Variants in CRYBG1 observed in about 807,000 individuals in gnomAD.
CRYBG1 encodes beta/gamma crystallin domain-containing protein 1.
A neutral mutation model predicts 189.2 loss-of-function variants in CRYBG1; 139 were observed. That is an observed-to-expected ratio of 0.73 (90% CI 0.64 to 0.85). The LOEUF is 0.85. CRYBG1 is among the 40% of genes least tolerant of loss of function. The pLI is 0.00. For synonymous variants in CRYBG1, 1,023 were observed against 1,017.1 expected, an observed-to-expected ratio of 1.01 and a Z score of -0.11; for missense variants, 2,611 against 2,675.8, an observed-to-expected ratio of 0.98 and a Z score of 0.53.
chr6:106,505,425 C>T (rs1328725195), intron 2 of CRYBG1, among the ~76,000 whole-genome samples: 1 of 152,096 alleles, frequency 6.6e-6, no homozygotes, highest in Non-Finnish European at 1.5e-5. Context: ...GGACAAGTTT[C>T]ACCATCTTGG....
intron 2 of CRYBG1, among the ~76,000 whole-genome samples, chr6:106,469,114 T>G (rs1001887171): frequency 1.3e-5 from 2 of 152,164 alleles, no homozygotes; most frequent in African/African-American, 4.8e-5. Context: ...TCACTCTGCC[T>G]CAGCCACATG....
chr6:106,514,977 C>G (rs1166539144), intron 3 of CRYBG1, among the ~76,000 whole-genome samples: 2 of 152,100 alleles, frequency 1.3e-5, no homozygotes, highest in Non-Finnish European at 2.9e-5. Flanking sequence ...TTTTTCAGAC[C>G]CTTTAATTCT....
chr6:106,363,537 C>G (rs1242879756), intron 1 of CRYBG1, among the ~76,000 whole-genome samples: 1 of 152,152 alleles, frequency 6.6e-6, no homozygotes, highest in Non-Finnish European at 1.5e-5. Context: ...CAGTGTGGCT[C>G]TCTTAAGCCT....
chr6:106,423,987 G>A (rs879326138), intron 1 of CRYBG1, among the ~76,000 whole-genome samples: 2 of 152,046 alleles, frequency 1.3e-5, no homozygotes, highest in African/African-American at 4.8e-5. Flanking sequence ...TTACAGGTGT[G>A]AGCCACTGCG....
intron 2 of CRYBG1, among the ~76,000 whole-genome samples, chr6:106,497,423 C>G (rs897928840): frequency 6.6e-6 from 1 of 152,174 alleles, no homozygotes; most frequent in Non-Finnish European, 1.5e-5. Flanking sequence ...GGCTCATACT[C>G]CTTGGTCTCC....
chr6:106,452,142 C>T (rs985402937), intron 2 of CRYBG1, among the ~76,000 whole-genome samples: 1 of 148,020 alleles, frequency 6.8e-6, no homozygotes, highest in Non-Finnish European at 1.5e-5. Flanking sequence ...CCTGGTGGCT[C>T]ACGCCTGTAA....
chr6:106,362,543 T>G (rs1771900445), intron 1 of CRYBG1, among the ~76,000 whole-genome samples: 1 of 152,180 alleles, frequency 6.6e-6, no homozygotes. Flanking sequence ...AGGCAGGGGC[T>G]GCACTGTGCA....
rs772477743 is a variant in CRYBG1, at chr6:106,520,917, C to G, written c.3709C>G (p.Leu1237Val). 3.7e-6 allele frequency: 6 copies of G among 1,614,058 alleles called. No homozygotes were observed. The African/African-American group carries it at 8.0e-5, about 22-fold the overall frequency. The change falls in exon 4 of 22, where the codon CTA (leucine) becomes GTA (valine). Residue 1237 changes from leucine to valine, a missense_variant. Leu to Val is a conservative substitution (Grantham distance 32, BLOSUM62 1). This residue lies in a region of CRYBG1 where 1,622 missense variants were observed against 1,735.0 expected (regional missense o/e 0.93). Transcript: ENST00000633556. ...VTNGGIKRSR[L>V]EKSALFSSLL... ...AAATGGTGGCATTAAGAGATCGAGACTAGAAAAAAGTGCACTTTTCTCAAG... is the reference window on the plus strand; with the variant it reads ...AAATGGTGGCATTAAGAGATCGAGAGTAGAAAAAAGTGCACTTTTCTCAAG...
intron 7 of CRYBG1, among the ~76,000 whole-genome samples, chr6:106,527,709 C>T (rs529605597): frequency 6.6e-6 from 1 of 152,174 alleles, no homozygotes; most frequent in East Asian, 1.9e-4. Flanking sequence ...CCTTCTATTC[C>T]CATCTTCCAA....
rs1235167873 is a variant in CRYBG1, at chr6:106,569,220, T to G, written c.*654T>G. 2 of 152,074 alleles carry G rather than the reference T, an allele frequency of 1.3e-5. No homozygotes were observed. Among genetic ancestry groups the G allele is most frequent in the Non-Finnish European group, 2.9e-5 (2 of 68,002 alleles). The allele number at this position is 152,074 out of a possible 1,614,324, so 9.4% of individuals were successfully genotyped here. A position where few individuals can be genotyped will look rare whatever the true frequency, so the allele number is the denominator to read the frequency against. ...ATTTAATGTCAAAGTCTGGTAACAT[T>G]TGTTAGTAGGATTTGAGTTATTATT... On this transcript the variant is annotated 3_prime_UTR_variant, in exon 22 of 22. Transcript: ENST00000633556.
intron 2 of CRYBG1, among the ~76,000 whole-genome samples, chr6:106,458,588 A>T (rs772982486): frequency 2.6e-5 from 4 of 152,214 alleles, no homozygotes; most frequent in African/African-American, 9.7e-5. Context: ...AATGAAATGC[A>T]TATATTCACA....
intron 1 of CRYBG1, among the ~76,000 whole-genome samples, chr6:106,385,633 A>G (rs910655384): frequency 6.6e-6 from 1 of 152,190 alleles, no homozygotes; most frequent in Admixed American, 6.5e-5. Context: ...CAAAAACAAG[A>G]ATTGTTGTTT....
chr6:106,482,699 G>A (rs113083603), intron 2 of CRYBG1, among the ~76,000 whole-genome samples: 13,776 of 152,034 alleles, frequency 0.091, 898 homozygotes, highest in Admixed American at 0.2. Flanking sequence ...GGCATGAACC[G>A]GGGAGACAGA....
In CRYBG1 at chr6:106,519,137, C is replaced by A; in HGVS notation, c.1929C>A (p.Ala643=). ...TCCTGCTTTTTCCTCACAGCCCTGCCAAGCCCAAACATGTGGAACTAAATC... is the reference window on the plus strand; with the variant it reads ...TCCTGCTTTTTCCTCACAGCCCTGCAAAGCCCAAACATGTGGAACTAAATC... ...STVTTKVTLP[A]KPKHVELNLK... Residue 643 remains alanine, a synonymous_variant, in exon 4 of 22, where the codon GCC becomes GCA. Coordinates refer to ENST00000633556, the MANE Select transcript of CRYBG1 (RefSeq NM_001371242.2). 6.2e-7 allele frequency: 1 copy of A among 1,610,530 alleles called. No homozygotes were observed. The highest frequency in any genetic ancestry group is 8.5e-7 in the Non-Finnish European group (1 of 1,177,972).
chr6:106,478,448 A>G (rs1165455750), intron 2 of CRYBG1, among the ~76,000 whole-genome samples: 1 of 152,226 alleles, frequency 6.6e-6, no homozygotes, highest in Non-Finnish European at 1.5e-5. Flanking sequence ...ACAATGCCTG[A>G]AGGTTTGGGT....
At chr6:106,519,004 C>CAA (rs1297458597) in intron 3 of CRYBG1, 127 bp from the exon 4 acceptor site, 118 of 1,000,912 alleles carry the variant, frequency 1.2e-4, no homozygotes, top group Non-Finnish European at 1.9e-5. Context: ...CACACACACA[C>CAA]ACACCACACT....
At chr6:106,442,341 G>A (rs563618278) in intron 1 of CRYBG1, among the ~76,000 whole-genome samples, 17 of 152,214 alleles carry the variant, frequency 1.1e-4, no homozygotes, top group African/African-American at 3.6e-4. Flanking sequence ...TTTCGTGCCA[G>A]GTTGTTTAGG....
chr6:106,548,115 C>A (rs1774307268), intron 13 of CRYBG1, among the ~76,000 whole-genome samples: 1 of 152,160 alleles, frequency 6.6e-6, no homozygotes, highest in African/African-American at 2.4e-5. Flanking sequence ...GTGTACATGC[C>A]TTTCCCCCGT....
At chr6:106,397,824 G>A (rs1336907550) in intron 1 of CRYBG1, among the ~76,000 whole-genome samples, 5 of 152,252 alleles carry the variant, frequency 3.3e-5, no homozygotes, top group Admixed American at 1.3e-4. Context: ...TTCCCTGTAC[G>A]CTTCCAGGAA....
Sources: gnomAD v4.1 joint callset for allele counts (sites outside exome capture counted in the v4.1 genomes callset) on GRCh38, gnomAD v4.1.1 for gene constraint, gnomAD v4.1.1 regional missense constraint, MANE v1.5 for transcripts, NCBI Gene and HGNC (gene_info 2026-07-23, HGNC 2026-07-21) for gene names.